AUTS2: variants seen among roughly 807,000 people sequenced by gnomAD.
The protein encoded by AUTS2 is autism susceptibility gene 2 protein.
A neutral mutation model predicts 112.4 loss-of-function variants in AUTS2; 17 were observed. The observed-to-expected ratio is 0.15, with a 90% CI of 0.10 to 0.23. The LOEUF is 0.23. Ranked by LOEUF, AUTS2 falls within the 10% of genes least tolerant of loss-of-function variation. The pLI, the probability that AUTS2 is intolerant of heterozygous loss-of-function variation, is 1.00. For synonymous variants in AUTS2, 751 were observed against 702.7 expected, an observed-to-expected ratio of 1.07 and a Z score of -1.09; for missense variants, 1,510 against 1,701.6, an observed-to-expected ratio of 0.89 and a Z score of 1.98.
At chr7:70,408,867 C>A (rs906017904) in intron 4 of AUTS2, among the ~76,000 whole-genome samples, 1 of 152,156 alleles carries the variant, frequency 6.6e-6, no homozygotes, top group Non-Finnish European at 1.5e-5. Flanking sequence ...TAAACATTTG[C>A]CCTCAAAAAC....
At chr7:70,214,323 TTTTCTCC>T (rs1424174277) in intron 4 of AUTS2, among the ~76,000 whole-genome samples, 1 of 152,186 alleles carries the variant, frequency 6.6e-6, no homozygotes, top group Non-Finnish European at 1.5e-5. Flanking sequence ...TTTCTTTCTC[TTTTCTCC>T]CAAGCTCATT....
intron 1 of AUTS2, among the ~76,000 whole-genome samples, chr7:69,748,193 G>T (rs1001318414): frequency 2.0e-5 from 3 of 152,078 alleles, no homozygotes; most frequent in Non-Finnish European, 4.4e-5. Context: ...TGCAATTTTA[G>T]ATTTCTTATC....
intron 6 of AUTS2, among the ~76,000 whole-genome samples, chr7:70,741,429 C>T (rs774508064): frequency 6.6e-5 from 10 of 151,756 alleles, no homozygotes; most frequent in Non-Finnish European, 1.0e-4. Context: ...CGGTGGCTTA[C>T]GCCTGTAATT....
In AUTS2 at chr7:70,761,593, G is replaced by A. The variant is rs547457065; in HGVS notation, c.743-1277G>A. On this transcript the variant is annotated intron_variant, in intron 6 of 18. Transcript: ENST00000342771. ...TACAAAAGTACTTACTCCCAAATGG[G>A]GCCATTCTTTTCTATTGAGTGCCCT... 2.6e-5 allele frequency among the ~76,000 whole-genome samples: 4 copies of A among 152,218 alleles called. No homozygotes were observed. In the East Asian group the frequency reaches 7.7e-4, roughly 29 times the overall value.
chr7:69,600,200 C>T (rs1792306899), intron 1 of AUTS2, among the ~76,000 whole-genome samples: 1 of 151,996 alleles, frequency 6.6e-6, no homozygotes, highest in African/African-American at 2.4e-5. Flanking sequence ...TTCCCCTGCG[C>T]CCCCTCCCTG....
At chr7:70,539,654 T>C (rs1800464386) in intron 5 of AUTS2, among the ~76,000 whole-genome samples, 1 of 152,206 alleles carries the variant, frequency 6.6e-6, no homozygotes, top group Non-Finnish European at 1.5e-5. Flanking sequence ...TGGACTATTC[T>C]GCCCATCCCT....
At chr7:70,009,566 G>A (rs1799703036) in intron 2 of AUTS2, among the ~76,000 whole-genome samples, 1 of 152,166 alleles carries the variant, frequency 6.6e-6, no homozygotes, top group African/African-American at 2.4e-5. Flanking sequence ...CTGAAGTATT[G>A]CATTTTTCCT....
intron 2 of AUTS2, among the ~76,000 whole-genome samples, chr7:70,010,305 C>T (rs1799738819): frequency 6.6e-6 from 1 of 152,134 alleles, no homozygotes; most frequent in Non-Finnish European, 1.5e-5. Context: ...GCCACCACAT[C>T]CAGATAACTT....
chr7:69,604,839 T>A (rs892675973), intron 1 of AUTS2, among the ~76,000 whole-genome samples: 1 of 152,224 alleles, frequency 6.6e-6, no homozygotes, highest in African/African-American at 2.4e-5. Context: ...ATTTCCTTTA[T>A]CCATTAGTGG....
chr7:70,782,967 GCT>G (rs751578425), intron 15 of AUTS2: 4 of 152,188 alleles, frequency 2.6e-5, no homozygotes, highest in Admixed American at 2.0e-4. Context: ...ATATTTGAAG[GCT>G]CTGTTACCAT....
At chr7:70,162,195 C>G (rs1037114069) in intron 4 of AUTS2, among the ~76,000 whole-genome samples, 7 of 151,664 alleles carry the variant, frequency 4.6e-5, no homozygotes, top group Admixed American at 1.3e-4. Flanking sequence ...GCCTGTAATC[C>G]CAGCACTTTG....
intron 2 of AUTS2, among the ~76,000 whole-genome samples, chr7:70,111,718 A>G (rs965551611): frequency 6.6e-6 from 1 of 152,130 alleles, no homozygotes; most frequent in Non-Finnish European, 1.5e-5. Flanking sequence ...TTTTGGCACA[A>G]GTTAGCTTTC....
At chr7:69,917,555 AGTG>A (rs1189573554) in intron 2 of AUTS2, among the ~76,000 whole-genome samples, 2 of 149,156 alleles carry the variant, frequency 1.3e-5, no homozygotes, top group Non-Finnish European at 2.9e-5. Flanking sequence ...TGAATTGTAT[AGTG>A]GTAAAATCTG....
At chr7:70,326,543 T>G (rs1431601725) in intron 4 of AUTS2, among the ~76,000 whole-genome samples, 1 of 152,228 alleles carries the variant, frequency 6.6e-6, no homozygotes. Flanking sequence ...GGAGCCCAGC[T>G]GACTTGGGCT....
At chr7:70,775,322 A>C in intron 12 of AUTS2, 35 bp from the exon 13 acceptor site, 1 of 1,597,462 alleles carries the variant, frequency 6.3e-7, no homozygotes, top group African/African-American at 1.3e-5. Context: ...TTTGAGTGAC[A>C]GGCATGTAAC....
At chr7:70,171,908 G>GGT (rs1808717414) in intron 4 of AUTS2, among the ~76,000 whole-genome samples, 1 of 151,388 alleles carries the variant, frequency 6.6e-6, no homozygotes, top group East Asian at 2.0e-4. Flanking sequence ...TTTTTTTTGG[G>GGT]GGGGGGTAGT....
At chr7:70,611,991 A>G (rs1804116975) in intron 5 of AUTS2, among the ~76,000 whole-genome samples, 1 of 152,202 alleles carries the variant, frequency 6.6e-6, no homozygotes, top group African/African-American at 2.4e-5. Context: ...CTAAATATAC[A>G]AATAATAAAT....
chr7:69,847,101 C>T (rs73154605), intron 1 of AUTS2, among the ~76,000 whole-genome samples: 11,551 of 152,098 alleles, frequency 0.076, 590 homozygotes, highest in African/African-American at 0.14. Flanking sequence ...TCTCCCCTAC[C>T]CCCCAGTACA....
intron 1 of AUTS2, among the ~76,000 whole-genome samples, chr7:69,763,288 A>G (rs1788272894): frequency 6.6e-6 from 1 of 152,198 alleles, no homozygotes; most frequent in Non-Finnish European, 1.5e-5. Context: ...GAGGATGATT[A>G]GGTAGAACCC....
Sources: allele counts gnomAD v4.1 joint callset (sites outside exome capture counted in the v4.1 genomes callset), GRCh38; gene constraint gnomAD v4.1.1; transcripts MANE v1.5; gene names NCBI Gene and HGNC (gene_info 2026-07-23, HGNC 2026-07-21).